GPR89B: variants seen among roughly 807,000 people sequenced by gnomAD.
The protein encoded by GPR89B is G protein-coupled receptor 89B.
Under a neutral mutation model 52.4 loss-of-function variants are expected in GPR89B, and 25 were observed. The observed-to-expected ratio is 0.48, with a 90% CI of 0.35 to 0.67. The LOEUF is 0.67. GPR89B is among the 30% of genes least tolerant of loss of function. GPR89B has a pLI of 0.01. For missense variants in GPR89B, 146 were observed against 450.2 expected (o/e 0.32, Z 6.11); for synonymous variants, 52 against 151.2 (o/e 0.34, Z 4.81).
the GPR89B span, among the ~76,000 whole-genome samples, chr1:148,017,462 C>T: frequency 1.2e-3 from 174 of 149,798 alleles, no homozygotes; most frequent in Middle Eastern, 0.028. Context: ...AGGCCAGGCG[C>T]GGTGGTTCAT....
At chr1:148,006,932 G>A in the GPR89B span, among the ~76,000 whole-genome samples, 2 of 151,232 alleles carry the variant, frequency 1.3e-5, no homozygotes, top group Admixed American at 1.3e-4. Context: ...GGCCAGGCTT[G>A]TCTCGAACTC....
intron 1 of GPR89B, chr1:147,928,802 C>G (rs1385920727): frequency 2.8e-6 from 1 of 354,036 alleles, no homozygotes; most frequent in African/African-American, 2.2e-5. Context: ...CACCCGGCAT[C>G]CATCCCCGGA....
the GPR89B span, chr1:148,009,500 G>T: frequency 6.3e-7 from 1 of 1,593,642 alleles, no homozygotes; most frequent in Non-Finnish European, 8.6e-7. Flanking sequence ...ACTCTTTCAA[G>T]TCCACCCGTG....
downstream of GPR89B, among the ~76,000 whole-genome samples, chr1:147,998,011 A>G (rs1659356607): frequency 6.6e-6 from 1 of 152,204 alleles, no homozygotes; most frequent in Non-Finnish European, 1.5e-5. Context: ...CAGCCCATCC[A>G]TGTGAAGAAA....
rs1319095742 is a variant in GPR89B, at chr1:147,942,163, T to C, written c.207-1275T>C. Among the ~76,000 whole-genome samples the C allele has an allele frequency of 3.9e-4, 60 of 152,210 alleles. 1 individual carries two copies. The highest frequency in any genetic ancestry group is 7.8e-4 in the Admixed American group (12 of 15,290). ...ATGAATAAAGGATCTGAATAGGCAT[T>C]TCTCCAAAGATGATATACAAATGGC... On this transcript the variant is annotated intron_variant, in intron 3 of 13. Coordinates refer to ENST00000314163, the MANE Select transcript of GPR89B (RefSeq NM_016334.5).
chr1:147,958,839 G>C (rs1428107103), intron 7 of GPR89B, among the ~76,000 whole-genome samples: 1 of 151,910 alleles, frequency 6.6e-6, no homozygotes, highest in Non-Finnish European at 1.5e-5. Context: ...GCTCACAGAA[G>C]AATCAGCCTC....
intron 8 of GPR89B, chr1:147,968,199 ACT>A (rs1402515579): frequency 2.2e-6 from 1 of 450,276 alleles, no homozygotes; most frequent in Non-Finnish European, 4.4e-6. Flanking sequence ...GAGAATAATA[ACT>A]CTACCTGATT....
intron 5 of GPR89B, among the ~76,000 whole-genome samples, chr1:147,950,669 G>C (rs1166197664): frequency 6.6e-6 from 1 of 152,210 alleles, no homozygotes; most frequent in Admixed American, 6.5e-5. Flanking sequence ...ACCAGACTCC[G>C]TCTGCAATCC....
chr1:148,008,868 C>A, the GPR89B span, among the ~76,000 whole-genome samples: 4 of 152,124 alleles, frequency 2.6e-5, no homozygotes, highest in African/African-American at 9.7e-5. Context: ...CCTGGCACAT[C>A]AGCAGGTGCT....
rs1446478367 is a variant in GPR89B at position 147,956,384 on chromosome 1, T to C, written c.617+1982T>C. Among the ~76,000 whole-genome samples the C allele has an allele frequency of 2.0e-5, 3 of 152,418 alleles. No individual in the cohort carries two copies. In the East Asian group the frequency reaches 5.8e-4, roughly 29 times the overall value. On this transcript the variant is annotated intron_variant, in intron 7 of 13. Transcript: ENST00000314163. The stretch of plus-strand genomic sequence containing the variant: ...ATTGCCTTGGCAATTCAGTTTTTTG[T>C]GGTTCCATATGTATTTTAGGATTAT...
In GPR89B at chr1:147,928,497, G is replaced by T; in HGVS notation, c.-40G>T. ...GGCCCCAGCGTGCTGTGGCCTCCGG[G>T]AGTGGGAAGTGGAGGCAGGAGCCTT... On this transcript the variant is annotated 5_prime_UTR_variant, in exon 1 of 14. Transcript: ENST00000314163. The T allele has an allele frequency of 1.9e-6, 3 of 1,613,210 alleles. No individual in the cohort carries two copies. Among genetic ancestry groups the T allele is most frequent in the South Asian group, 1.1e-5 (1 of 91,078 alleles).
chr1:147,978,293 C>T (rs1430062740), intron 10 of GPR89B, among the ~76,000 whole-genome samples: 5 of 151,900 alleles, frequency 3.3e-5, no homozygotes, highest in African/African-American at 9.7e-5. Flanking sequence ...ATACCCTACT[C>T]GCCTGGGTCC....
At chr1:147,965,623 G>A (rs1306197858) in intron 7 of GPR89B, among the ~76,000 whole-genome samples, 2 of 152,084 alleles carry the variant, frequency 1.3e-5, no homozygotes, top group African/African-American at 4.8e-5. Context: ...AGGACCAGGA[G>A]TGGTAGGTTT....
At chr1:147,970,286 A>G (rs1367302179) in intron 10 of GPR89B, among the ~76,000 whole-genome samples, 1 of 152,028 alleles carries the variant, frequency 6.6e-6, no homozygotes, top group Non-Finnish European at 1.5e-5. Context: ...ACCTGAGGTC[A>G]GGAATTCGAG....
chr1:147,934,571 A>G (rs1296167195), intron 1 of GPR89B, among the ~76,000 whole-genome samples: 2 of 152,194 alleles, frequency 1.3e-5, no homozygotes, highest in Admixed American at 6.5e-5. Context: ...AGAAAAATGC[A>G]CATAACCCCA....
the GPR89B span, among the ~76,000 whole-genome samples, chr1:148,015,293 ATCTCTC>A: frequency 0.033 from 2,320 of 69,848 alleles, 112 homozygotes; most frequent in Middle Eastern, 0.077. Context: ...GGATTCTAGG[ATCTCTC>A]TCTCTCTCTC....
At chr1:147,931,382 G>A (rs1653589732) in intron 1 of GPR89B, among the ~76,000 whole-genome samples, 1 of 151,950 alleles carries the variant, frequency 6.6e-6, no homozygotes, top group Non-Finnish European at 1.5e-5. Context: ...AAGTCCTAAG[G>A]TCAAGACTCT....
the GPR89B span, among the ~76,000 whole-genome samples, chr1:148,025,244 G>A: frequency 1.3e-5 from 2 of 151,672 alleles, no homozygotes; most frequent in Non-Finnish European, 2.9e-5. Context: ...TTTCCCATAA[G>A]CCAGGCACTT....
chr1:147,987,331 G>A (rs1331782979), intron 11 of GPR89B, among the ~76,000 whole-genome samples: 1 of 151,892 alleles, frequency 6.6e-6, no homozygotes, highest in Non-Finnish European at 1.5e-5. Flanking sequence ...ACCAGCCTGG[G>A]CAACATGGTG....
Sources: allele counts gnomAD v4.1 joint callset (sites outside exome capture counted in the v4.1 genomes callset), GRCh38; gene constraint gnomAD v4.1.1; transcripts MANE v1.5; gene names NCBI Gene and HGNC (gene_info 2026-07-23, HGNC 2026-07-21).